KCNC3: variants seen among roughly 807,000 people sequenced by gnomAD.
The protein encoded by KCNC3 is voltage-gated potassium channel KCNC3.
A neutral mutation model predicts 43.9 loss-of-function variants in KCNC3; 22 were observed. The observed-to-expected ratio is 0.50, with a 90% CI of 0.36 to 0.72. KCNC3 has a LOEUF of 0.72. Ranked by LOEUF, KCNC3 falls within the 30% of genes least tolerant of loss-of-function variation. The probability of loss-of-function intolerance (pLI) is 0.00; values close to 1 mark genes in which losing one functional copy is unlikely to be tolerated. For missense variants in KCNC3, 829 were observed against 1,073.8 expected (o/e 0.77, Z 3.19); for synonymous variants, 492 against 488.0 (o/e 1.01, Z -0.11).
rs1229781286 is a variant in KCNC3, at chr19:50,314,325, A to T, written c.*1790T>A. On this transcript the variant is annotated 3_prime_UTR_variant, in exon 5 of 5. Transcript: ENST00000477616. ...TTTCTGGTTTGTTTTCTCCTAATCA[A>T]CGCACAGGGTTGGTTGTCCTCCTGG... 1 of 153,750 alleles carries T rather than the reference A, an allele frequency of 6.5e-6. No homozygotes were observed. Among genetic ancestry groups the T allele is most frequent in the Non-Finnish European group, 1.4e-5 (1 of 69,140 alleles). 9.5% of individuals were successfully genotyped at this position (153,750 alleles called of 1,614,324 possible).
chr19:50,317,948 C>T (rs1184292691), intron 4 of KCNC3, among the ~76,000 whole-genome samples: 1 of 152,066 alleles, frequency 6.6e-6, no homozygotes. Flanking sequence ...TACAGGCATG[C>T]ACCACCACAC....
chr19:50,329,768 A>T (rs1005239283), upstream of KCNC3: 2 of 152,634 alleles, frequency 1.3e-5, no homozygotes, highest in Non-Finnish European at 2.9e-5. Flanking sequence ...CTGAAAGAGG[A>T]CACGGGAAGA....
chr19:50,325,513 A>G, intron 1 of KCNC3, among the ~76,000 whole-genome samples: 1 of 148,818 alleles, frequency 6.7e-6, no homozygotes, highest in South Asian at 2.2e-4. Context: ...TAGTGGGTGG[A>G]GAGTTTCGGG....
upstream of KCNC3, among the ~76,000 whole-genome samples, chr19:50,329,954 G>A (rs1415274160): frequency 6.6e-6 from 1 of 152,188 alleles, no homozygotes; most frequent in Admixed American, 6.5e-5. Flanking sequence ...TGAGGAAGGT[G>A]AGTGGGGTCG....
chr19:50,330,123 C>T (rs2037169391), upstream of KCNC3, among the ~76,000 whole-genome samples: 2 of 152,050 alleles, frequency 1.3e-5, no homozygotes, highest in Admixed American at 6.6e-5. Context: ...AAAAATTAGT[C>T]GGGCGTGGTT....
In KCNC3 at chr19:50,314,751, TTTGA is replaced by T; in HGVS notation, c.*1360_*1363del. ...CTCGGTTGCATATTATTAATGACTT[TTTGA>T]TTTTTTTTAAAAAAACCCTTTTCCC... On this transcript the variant is annotated 3_prime_UTR_variant, in exon 5 of 5. Coordinates refer to ENST00000477616, the MANE Select transcript of KCNC3 (RefSeq NM_004977.3). 1 of 438,602 alleles carries T rather than the reference TTTGA, an allele frequency of 2.3e-6. No individual in the cohort carries two copies. Among genetic ancestry groups the T allele is most frequent in the Non-Finnish European group, 4.5e-6 (1 of 219,866 alleles). 27.2% of individuals were successfully genotyped at this position (438,602 alleles called of 1,614,324 possible). A position where few individuals can be genotyped will look rare whatever the true frequency, so the allele number is the denominator to read the frequency against.
In KCNC3 at chr19:50,324,050, G is replaced by A; in HGVS notation, c.903C>T (p.Leu301=). 1 of 1,603,630 alleles carries A rather than the reference G, an allele frequency of 6.2e-7. No homozygotes were observed. The highest frequency in any genetic ancestry group is 1.1e-5 in the South Asian group (1 of 89,642). The part of the protein sequence containing the change: ...YVAFASLFFI[L]ISITTFCLET... ...CCAGGCAGAAGGTGGTGATGGAGAT[G>A]AGGATGAAGAAGAGGGAGGCGAAGG... Residue 301 remains leucine (L), a synonymous_variant, in exon 2 of 5, where the codon CTC becomes CTT. Coordinates refer to ENST00000477616, the MANE Select transcript of KCNC3 (RefSeq NM_004977.3). The surrounding 1 kb of genome is among the most constrained non-coding windows in gnomAD (Gnocchi z 4.1).
intron 2 of KCNC3, 82 bp downstream of exon 2, chr19:50,322,893 G>A (rs1232808785): frequency 6.9e-7 from 1 of 1,439,730 alleles, no homozygotes; most frequent in Admixed American, 2.5e-5. Context: ...AACCACCCCA[G>A]GTTCTCTGAA....
At chr19:50,318,037 CCCA>C (rs1314030995) in intron 4 of KCNC3, among the ~76,000 whole-genome samples, 1 of 152,228 alleles carries the variant, frequency 6.6e-6, no homozygotes, top group Non-Finnish European at 1.5e-5. Flanking sequence ...AAATGATACT[CCCA>C]CCTTGGCCTC....
At position 50,320,261 on chromosome 19, in the gene KCNC3, G is replaced by C. The variant is rs756898920; in HGVS notation, c.2259C>G (p.Ala753=). The C allele has an allele frequency of 5.7e-6, 6 of 1,049,614 alleles. No homozygotes were observed. The African/African-American group carries it at 8.6e-5, about 15-fold the overall frequency. The allele number at this position is 1,049,614 out of a possible 1,614,324, so 65.0% of individuals were successfully genotyped here. The change falls in exon 4 of 5, where the codon GCC becomes GCG. Residue 753 remains alanine (A), a synonymous_variant. Transcript: ENST00000477616. ...GGTTCGTCCACTAGGGGGATATCCA[G>C]GCCGCGGCGTTGGCGTTGAGGTCGG... The part of the protein sequence containing the change: ...FLPDLNANAA[A]WISP
At chr19:50,332,000 G>A (rs1294093187), upstream of KCNC3, among the ~76,000 whole-genome samples, 1 of 152,280 alleles carries the variant, frequency 6.6e-6, no homozygotes, top group East Asian at 1.9e-4. Flanking sequence ...CCCAGACCCA[G>A]GGCTCTCCAT....
At chr19:50,319,441 G>T (rs1483799709) in intron 4 of KCNC3, among the ~76,000 whole-genome samples, 2 of 152,070 alleles carry the variant, frequency 1.3e-5, no homozygotes, top group African/African-American at 4.8e-5. Flanking sequence ...TCAGCCCGGT[G>T]CCTGCCTCAT....
chr19:50,320,719 G>A lies in KCNC3; in HGVS notation c.2044C>T (p.Gln682Ter), dbSNP rs1407795965. 1 of 1,613,974 alleles carries A rather than the reference G, an allele frequency of 6.2e-7. No individual in the cohort carries two copies. Among genetic ancestry groups the A allele is most frequent in the Non-Finnish European group, 8.5e-7 (1 of 1,179,968 alleles). The change falls in exon 3 of 5, where the codon CAG becomes TAG. Residue 682 changes from glutamine (Q) to a stop codon, truncating the protein, a stop_gained. Coordinates refer to ENST00000477616, the MANE Select transcript of KCNC3 (RefSeq NM_004977.3). LOFTEE classifies it high-confidence loss of function. ...LAHEDCPAID[Q>*]PAMSPEDKSP... ...TTGTCTTCCGGGGACATGGCAGGCT[G>A]GTCAATGGCTGGGCAGTCCTCGTGG...
At chr19:50,320,476 G>T in intron 3 of KCNC3, 117 bp downstream of exon 3, 2 of 977,066 alleles carry the variant, frequency 2.0e-6, no homozygotes, top group Non-Finnish European at 3.1e-6. Context: ...GCAGTTTGGG[G>T]CCAAGGGAAG....
chr19:50,324,190 A>C lies in KCNC3; in HGVS notation c.871-108T>G. 1 of 1,124,568 alleles carries C rather than the reference A, an allele frequency of 8.9e-7. No homozygotes were observed. Among genetic ancestry groups the C allele is most frequent in the Non-Finnish European group, 1.2e-6 (1 of 807,772 alleles). The allele number at this position is 1,124,568 out of a possible 1,614,324, so 69.7% of individuals were successfully genotyped here. On this transcript the variant is annotated intron_variant, in intron 1 of 4. Coordinates refer to ENST00000477616, the MANE Select transcript of KCNC3 (RefSeq NM_004977.3). This position sits in a 1 kb window ranked among gnomAD's most constrained non-coding sequence, Gnocchi z 4.1. ...CCCCCTTCCCCAGCCTCCTGGGCCC[A>C]AACTCTGGGCAAAATCCAGGTGTCT...
chr19:50,319,796 G>A (rs2037003642), intron 4 of KCNC3, among the ~76,000 whole-genome samples: 1 of 152,118 alleles, frequency 6.6e-6, no homozygotes. Context: ...GGGATGCGTG[G>A]GTGCTGTCTA....
At chr19:50,322,759 T>G (rs778183824) in intron 2 of KCNC3, among the ~76,000 whole-genome samples, 3 of 152,160 alleles carry the variant, frequency 2.0e-5, no homozygotes, top group Middle Eastern at 3.2e-3. Flanking sequence ...TCTGAATATC[T>G]TGCAAATCTG....
rs761806977 is a variant in KCNC3, at chr19:50,329,060, G to T, written c.23C>A (p.Ser8Ter). The T allele has an allele frequency of 2.3e-6, 3 of 1,311,690 alleles. No homozygotes were observed. The highest frequency in any genetic ancestry group is 2.9e-6 in the Non-Finnish European group (3 of 1,020,588). 81.3% of individuals were successfully genotyped at this position (1,311,690 alleles called of 1,614,324 possible). ...GGCCCCCTGGCGCCCGCGGAAGGACGAGACGCAGACTGAGCTCAGCATTGG... is the reference window on the plus strand; with the variant it reads ...GGCCCCCTGGCGCCCGCGGAAGGACTAGACGCAGACTGAGCTCAGCATTGG... MLSSVCV[S>*]SFRGRQGASK... Residue 8 changes from serine to a stop codon, truncating the protein, a stop_gained, in exon 1 of 5, where the codon TCG becomes TAG. Coordinates refer to ENST00000477616, the MANE Select transcript of KCNC3 (RefSeq NM_004977.3). LOFTEE classifies it high-confidence loss of function.
rs778103042 is a variant in KCNC3, at chr19:50,323,268, T to C, written c.1685A>G (p.His562Arg). The change falls in exon 2 of 5, where the codon CAC becomes CGC. Residue 562 changes from histidine (H) to arginine (R), a missense_variant. Around this residue, in one of 7 missense-constraint regions of KCNC3, gnomAD observed 308 missense variants for 276.2 expected, o/e 1.11. Coordinates refer to ENST00000477616, the MANE Select transcript of KCNC3 (RefSeq NM_004977.3). Reference sequence around the variant, plus strand: ...GCCCGGTTGCGGGGGCCGGGGGATGTGTTTGTTCTTCTTCTTGGGCAGCTT... The same window carrying C: ...GCCCGGTTGCGGGGGCCGGGGGATGCGTTTGTTCTTCTTCTTGGGCAGCTT... ...KQKLPKKKNKHIPRPPQPGSP... is the reference protein window; with the variant it reads ...KQKLPKKKNKRIPRPPQPGSP... The C allele has an allele frequency of 8.7e-6, 14 of 1,606,502 alleles. No homozygotes were observed. The highest frequency in any genetic ancestry group is 2.7e-5 in the African/African-American group (2 of 74,902).
Sources: allele counts gnomAD v4.1 joint callset (sites outside exome capture counted in the v4.1 genomes callset), GRCh38; gene constraint gnomAD v4.1.1; regional missense constraint gnomAD v4.1.1; non-coding constraint Gnocchi (gnomAD v3.1); transcripts MANE v1.5; gene names NCBI Gene and HGNC (gene_info 2026-07-23, HGNC 2026-07-21).